Variants in FBXO15 observed in about 807,000 individuals in gnomAD.
FBXO15 encodes F-box only protein 15.
A neutral mutation model predicts 49.5 loss-of-function variants in FBXO15; 30 were observed. That is an observed-to-expected ratio of 0.61 (90% CI 0.45 to 0.82). The LOEUF (loss-of-function observed/expected upper bound fraction) is 0.82. Ranked by LOEUF, FBXO15 falls within the 40% of genes least tolerant of loss-of-function variation. The pLI is 0.00. For missense variants in FBXO15, 591 were observed against 631.5 expected, an observed-to-expected ratio of 0.94 and a Z score of 0.69; for synonymous variants, 250 against 232.7, an observed-to-expected ratio of 1.07 and a Z score of -0.68.
chr18:74,131,295 A>T (rs1978376184), intron 3 of FBXO15, among the ~76,000 whole-genome samples: 1 of 152,218 alleles, frequency 6.6e-6, no homozygotes, highest in Admixed American at 6.5e-5. Context: ...GAAAGAAACC[A>T]GGAGGTGCTG....
At chr18:74,126,333 A>T (rs760620442) in intron 5 of FBXO15, among the ~76,000 whole-genome samples, 3 of 152,210 alleles carry the variant, frequency 2.0e-5, no homozygotes, top group Non-Finnish European at 4.4e-5. Flanking sequence ...TCTTACTGTC[A>T]ACTCAATGAC....
In FBXO15 at chr18:74,147,709, C is replaced by A; in HGVS notation, c.77G>T (p.Gly26Val). The change falls in exon 1 of 10, where the codon GGT becomes GTT. Residue 26 changes from glycine to valine, a missense_variant. Physicochemically the swap from Gly to Val is moderately radical, Grantham distance 109. Coordinates refer to ENST00000419743, the MANE Select transcript of FBXO15 (RefSeq NM_001142958.2). ...CCTGGCGCGCCCCCGGGCCGCGCCA[C>A]CGCCCCTGCTGGGCCCGCGCAGCGT... ...LQTLRGPSRG[G>V]GAARGRARAF... 1 of 1,526,900 alleles carries A rather than the reference C, an allele frequency of 6.5e-7. No individual in the cohort carries two copies. Among genetic ancestry groups the A allele is most frequent in the South Asian group, 1.2e-5 (1 of 82,606 alleles). 94.6% of individuals were successfully genotyped at this position (1,526,900 alleles called of 1,614,324 possible).
intron 1 of FBXO15, among the ~76,000 whole-genome samples, chr18:74,141,050 T>C (rs1979043428): frequency 6.6e-6 from 1 of 152,226 alleles, no homozygotes; most frequent in Non-Finnish European, 1.5e-5. Flanking sequence ...ATGCAATATA[T>C]TTTCACTGGC....
chr18:74,140,418 CA>C (rs1978996496), intron 1 of FBXO15, 106 bp from the exon 2 acceptor site: 1 of 952,034 alleles, frequency 1.1e-6, no homozygotes, highest in Non-Finnish European at 1.4e-6. Context: ...AAAGATTACT[CA>C]CTGAAAAACT....
chr18:74,078,736 G>A (rs566267901), intron 9 of FBXO15: 1 of 152,360 alleles, frequency 6.6e-6, no homozygotes, highest in South Asian at 2.1e-4. Flanking sequence ...GCACACATCT[G>A]AGCAGTCGGC....
chr18:74,144,790 G>C (rs1002915676), intron 1 of FBXO15, among the ~76,000 whole-genome samples: 1 of 152,076 alleles, frequency 6.6e-6, no homozygotes, highest in Non-Finnish European at 1.5e-5. Flanking sequence ...ACAACTACTC[G>C]TTTGAGAAGC....
At chr18:74,078,332 C>CA (rs1380891014) in intron 9 of FBXO15, among the ~76,000 whole-genome samples, 1 of 149,118 alleles carries the variant, frequency 6.7e-6, no homozygotes, top group East Asian at 2.0e-4. Flanking sequence ...TTTCAAGGCC[C>CA]CCCCCCGACC....
intron 7 of FBXO15, 101 bp from the exon 8 acceptor site, chr18:74,123,611 A>G: frequency 8.1e-7 from 1 of 1,228,232 alleles, no homozygotes. Flanking sequence ...GTATCAAAGC[A>G]CTACCTCCTA....
chr18:74,131,569 T>C (rs1308665966), intron 3 of FBXO15, among the ~76,000 whole-genome samples: 1 of 152,192 alleles, frequency 6.6e-6, no homozygotes, highest in Non-Finnish European at 1.5e-5. Context: ...TCCACTCATC[T>C]CTACTAAGAG....
intron 8 of FBXO15, among the ~76,000 whole-genome samples, chr18:74,103,317 T>C (rs1555677251): frequency 6.6e-6 from 1 of 150,922 alleles, no homozygotes; most frequent in Non-Finnish European, 1.5e-5. Flanking sequence ...TGAAAACACT[T>C]AGTCAGAGGA....
chr18:74,104,370 AG>A (rs1271195934), intron 8 of FBXO15, among the ~76,000 whole-genome samples: 2 of 152,164 alleles, frequency 1.3e-5, no homozygotes, highest in Admixed American at 6.5e-5. Flanking sequence ...AGAAAAGGAC[AG>A]AAGGGTTACA....
At chr18:74,103,757 G>T (rs1227708667) in intron 8 of FBXO15, among the ~76,000 whole-genome samples, 1 of 152,058 alleles carries the variant, frequency 6.6e-6, no homozygotes, top group Non-Finnish European at 1.5e-5. Flanking sequence ...TGCCATCCAA[G>T]AATATTGTAT....
chr18:74,133,991 AC>A (rs1258886977), intron 3 of FBXO15, among the ~76,000 whole-genome samples: 1 of 152,214 alleles, frequency 6.6e-6, no homozygotes, highest in Non-Finnish European at 1.5e-5. Flanking sequence ...AATCTCAACT[AC>A]GTAAACTACA....
rs780063793 is a variant in FBXO15, at chr18:74,140,303, T to C, written c.126A>G (p.Pro42=). 24 of 1,550,082 alleles carry C rather than the reference T, an allele frequency of 1.5e-5. No individual in the cohort carries two copies. The highest frequency in any genetic ancestry group is 2.0e-5 in the Non-Finnish European group (23 of 1,146,452). ...RARAFGCRKG[P]GVKLSAGSAA... is the part of the protein sequence containing the mutation. ...CAGAGCCTGCAGAAAGCTTGACCCC[T>C]GGCCCCTTTCTGAAAGTAAATGTGG... The change falls in exon 2 of 10, where the codon CCA becomes CCG. Residue 42 remains proline (P), a synonymous_variant. Coordinates refer to ENST00000419743, the MANE Select transcript of FBXO15 (RefSeq NM_001142958.2).
intron 8 of FBXO15, among the ~76,000 whole-genome samples, chr18:74,089,887 T>G (rs1287629797): frequency 6.6e-6 from 1 of 152,150 alleles, no homozygotes; most frequent in Non-Finnish European, 1.5e-5. Flanking sequence ...TCTTTTTAAT[T>G]GTGTCTCTGC....
At position 74,124,506 on chromosome 18, in the gene FBXO15, T is replaced by C. The variant is rs373188932; in HGVS notation, c.978A>G (p.Thr326=). Residue 326 remains threonine, a synonymous_variant, in exon 7 of 10, where the codon ACA becomes ACG. Transcript: ENST00000419743. ...ATACATACATAGTAGCCGAGCCTAA[T>C]GTGCTCCTCTCCACAAGGTGATGAA... ...LHFHHLVERS[T]LGSATIPYEL... 2.2e-5 allele frequency: 36 copies of C among 1,614,086 alleles called. No individual in the cohort carries two copies. The highest frequency in any genetic ancestry group is 2.8e-5 in the Non-Finnish European group (33 of 1,179,996).
chr18:74,132,455 T>C (rs1978450712), intron 3 of FBXO15, among the ~76,000 whole-genome samples: 1 of 152,218 alleles, frequency 6.6e-6, no homozygotes, highest in Non-Finnish European at 1.5e-5. Flanking sequence ...AATCACAGCA[T>C]AAACTCCACA....
chr18:74,146,673 A>G (rs976927631), intron 1 of FBXO15, among the ~76,000 whole-genome samples: 2 of 152,206 alleles, frequency 1.3e-5, no homozygotes, highest in Admixed American at 6.5e-5. Flanking sequence ...TATTCAATTA[A>G]GAACTATTAT....
At position 74,124,495 on chromosome 18, in the gene FBXO15, G is replaced by C; in HGVS notation, c.989C>G (p.Ala330Gly). ...CCCACATATAAATACATACATAGTA[G>C]CCGAGCCTAATGTGCTCCTCTCCAC... is the stretch of plus-strand genomic sequence containing the variant. ...HLVERSTLGS[A>G]TIPYELPPHS... Residue 330 changes from alanine to glycine, a missense_variant, in exon 7 of 10, where the codon GCT becomes GGT. Coordinates refer to ENST00000419743, the MANE Select transcript of FBXO15 (RefSeq NM_001142958.2). 6.2e-7 allele frequency: 1 copy of C among 1,613,670 alleles called. No individual in the cohort carries two copies. Among genetic ancestry groups the C allele is most frequent in the Middle Eastern group, 1.7e-4 (1 of 6,058 alleles).
Sources: gnomAD v4.1 joint callset for allele counts (sites outside exome capture counted in the v4.1 genomes callset) on GRCh38, gnomAD v4.1.1 for gene constraint, MANE v1.5 for transcripts, NCBI Gene and HGNC (gene_info 2026-07-23, HGNC 2026-07-21) for gene names.